Variants in ADAMTS17 observed in about 807,000 individuals in gnomAD.
ADAMTS17 encodes the protein ADAM metallopeptidase with thrombospondin type 1 motif 17.
A neutral mutation model predicts 141.5 loss-of-function variants in ADAMTS17; 113 were observed. That is an observed-to-expected ratio of 0.80 (90% CI 0.69 to 0.93). The LOEUF is 0.93. Ranked by LOEUF, ADAMTS17 falls within the 40% of genes least tolerant of loss-of-function variation. The pLI, the probability that ADAMTS17 is intolerant of heterozygous loss-of-function variation, is 0.00. For synonymous variants in ADAMTS17, 768 were observed against 630.6 expected (o/e 1.22, Z -3.27); for missense variants, 1,659 against 1,517.9 (o/e 1.09, Z -1.54).
chr15:100,282,244 G>A (rs1187542111), intron 3 of ADAMTS17, among the ~76,000 whole-genome samples: 2 of 152,166 alleles, frequency 1.3e-5, no homozygotes, highest in Non-Finnish European at 2.9e-5. Flanking sequence ...TTATTTCCAT[G>A]TTAGCACTAG....
At chr15:100,040,117 C>T (rs1031054777) in intron 18 of ADAMTS17, among the ~76,000 whole-genome samples, 1 of 152,154 alleles carries the variant, frequency 6.6e-6, no homozygotes, top group Non-Finnish European at 1.5e-5. Context: ...TATCTGTGGA[C>T]TGTTCATTGC....
At chr15:100,172,532 T>C (rs992771287) in intron 8 of ADAMTS17, among the ~76,000 whole-genome samples, 1 of 152,180 alleles carries the variant, frequency 6.6e-6, no homozygotes, top group African/African-American at 2.4e-5. Flanking sequence ...TCACCTCTGG[T>C]CACCTCCTCT....
At chr15:100,230,029 C>T (rs2141841224) in intron 7 of ADAMTS17, among the ~76,000 whole-genome samples, 1 of 152,346 alleles carries the variant, frequency 6.6e-6, no homozygotes, top group African/African-American at 2.4e-5. Context: ...CCCCCACTGC[C>T]AACCACCCAT....
At chr15:100,325,328 A>G (rs1031204460) in intron 3 of ADAMTS17, among the ~76,000 whole-genome samples, 1 of 152,212 alleles carries the variant, frequency 6.6e-6, no homozygotes, top group Non-Finnish European at 1.5e-5. Flanking sequence ...GCATTTGCAG[A>G]TAGGGTTTTT....
At position 100,096,369 on chromosome 15, in the gene ADAMTS17, G is replaced by A. The variant is rs142335314; in HGVS notation, c.2124C>T (p.His708=). The A allele has an allele frequency of 3.0e-5, 48 of 1,613,816 alleles. No homozygotes were observed. Among genetic ancestry groups the A allele is most frequent in the African/African-American group, 1.5e-4 (11 of 74,932 alleles). ...GCCAACACTCACCTGTCCCCCGGGCGTGGCTGAAGTCGCCCTTCACCAAGT... is the reference window on the plus strand; with the variant it reads ...GCCAACACTCACCTGTCCCCCGGGCATGGCTGAAGTCGCCCTTCACCAAGT... The part of the protein sequence containing the change: ...TCHLVKGDFS[H]ARGTALKDSG... Residue 708 remains histidine, a synonymous_variant, in exon 15 of 22, where the codon CAC becomes CAT. Coordinates refer to ENST00000268070, the MANE Select transcript of ADAMTS17 (RefSeq NM_139057.4).
At chr15:100,318,071 G>A (rs1452751861) in intron 3 of ADAMTS17, among the ~76,000 whole-genome samples, 2 of 152,142 alleles carry the variant, frequency 1.3e-5, no homozygotes, top group Non-Finnish European at 2.9e-5. Context: ...TGGAAGGGAA[G>A]GCCTCCATCA....
chr15:100,172,435 T>G (rs374605611), intron 8 of ADAMTS17, among the ~76,000 whole-genome samples: 1 of 152,206 alleles, frequency 6.6e-6, no homozygotes, highest in African/African-American at 2.4e-5. Flanking sequence ...AACAAAATTT[T>G]CCACCAGTTT....
chr15:100,124,168 G>A (rs879520107), intron 12 of ADAMTS17, among the ~76,000 whole-genome samples: 7 of 152,070 alleles, frequency 4.6e-5, no homozygotes, highest in Non-Finnish European at 1.0e-4. Context: ...GTCTCATCAT[G>A]CTGGCCAGGC....
chr15:100,234,510 C>T (rs1276420700), intron 7 of ADAMTS17, among the ~76,000 whole-genome samples: 1 of 152,204 alleles, frequency 6.6e-6, no homozygotes, highest in African/African-American at 2.4e-5. Context: ...ATCCATAATC[C>T]CTGCTTTTCC....
At chr15:100,259,383 C>T (rs1447421142) in intron 6 of ADAMTS17, among the ~76,000 whole-genome samples, 5 of 152,222 alleles carry the variant, frequency 3.3e-5, no homozygotes, top group Admixed American at 1.3e-4. Flanking sequence ...GCCTCACAGT[C>T]GCCAAATGCC....
At chr15:100,198,551 C>T (rs144567472) in intron 8 of ADAMTS17, among the ~76,000 whole-genome samples, 5 of 152,326 alleles carry the variant, frequency 3.3e-5, no homozygotes, top group Non-Finnish European at 5.9e-5. Context: ...CTGGCCTCCT[C>T]AATTTAATTT....
chr15:100,118,217 G>A (rs1326740567), intron 12 of ADAMTS17, among the ~76,000 whole-genome samples: 1 of 152,242 alleles, frequency 6.6e-6, no homozygotes, highest in Non-Finnish European at 1.5e-5. Flanking sequence ...AAAGCAGCTA[G>A]AGATAACATG....
intron 20 of ADAMTS17, among the ~76,000 whole-genome samples, chr15:99,983,315 GC>G (rs983686683): frequency 4.9e-4 from 74 of 152,118 alleles, no homozygotes; most frequent in African/African-American, 1.6e-3. Context: ...GGGATGCGGC[GC>G]CACCTTTCAG....
rs1426438937 is a variant in ADAMTS17, at chr15:100,341,084, G to C, written c.405C>G (p.Pro135=). 3.9e-6 allele frequency: 6 copies of C among 1,519,594 alleles called. No individual in the cohort carries two copies. The highest frequency in any genetic ancestry group is 4.4e-6 in the Non-Finnish European group (5 of 1,139,176). The allele number at this position is 1,519,594 out of a possible 1,614,324, so 94.1% of individuals were successfully genotyped here. The stretch of plus-strand genomic sequence containing the variant: ...AGGCGCTGAGCGAGACGAGGGAGCC[G>C]GGGTGGCCGAGCACACGGCCCGAGT... ...CFYSGRVLGH[P]GSLVSLSACG... Residue 135 remains proline (P), a synonymous_variant, in exon 2 of 22, where the codon CCC becomes CCG. Transcript: ENST00000268070.
At chr15:100,265,319 T>TC (rs1189314969) in intron 4 of ADAMTS17, among the ~76,000 whole-genome samples, 1 of 152,196 alleles carries the variant, frequency 6.6e-6, no homozygotes, top group Admixed American at 6.5e-5. Flanking sequence ...TTCTTTTTTT[T>TC]CCCATGGAAA....
Position 100,145,956 on chromosome 15 carries a change from T to A in ADAMTS17, c.1473+6656A>T, listed in dbSNP as rs532289645. ...GGGAGGCCAAGGCAGGGGGATCACT[T>A]GAGGTCAGGAGTTCGTGACCAGCCT... On this transcript the variant is annotated intron_variant, in intron 10 of 21. Transcript: ENST00000268070. Among the ~76,000 whole-genome samples the A allele has an allele frequency of 3.9e-5, 6 of 152,296 alleles. No individual in the cohort carries two copies. The East Asian group carries it at 9.7e-4, about 25-fold the overall frequency.
At chr15:100,062,321 G>A (rs1300369061) in intron 15 of ADAMTS17, among the ~76,000 whole-genome samples, 7 of 152,100 alleles carry the variant, frequency 4.6e-5, no homozygotes, top group Non-Finnish European at 8.8e-5. Flanking sequence ...GCTAGGAGGA[G>A]GTGGCAGGGC....
intron 10 of ADAMTS17, 112 bp downstream of exon 10, chr15:100,152,500 G>T (rs543482389): frequency 2.8e-5 from 39 of 1,401,048 alleles, no homozygotes; most frequent in Admixed American, 1.7e-4. Context: ...GCTTGTGTGT[G>T]TATGTGCCTG....
At chr15:100,175,585 G>A (rs1596190716) in intron 8 of ADAMTS17, among the ~76,000 whole-genome samples, 1 of 152,172 alleles carries the variant, frequency 6.6e-6, no homozygotes, top group Non-Finnish European at 1.5e-5. Flanking sequence ...CCCAGGGCGT[G>A]ATGGAGACTC....
Sources: allele counts gnomAD v4.1 joint callset (sites outside exome capture counted in the v4.1 genomes callset), GRCh38; gene constraint gnomAD v4.1.1; transcripts MANE v1.5; gene names NCBI Gene and HGNC (gene_info 2026-07-23, HGNC 2026-07-21).